SLC25A40: variants seen among roughly 807,000 people sequenced by gnomAD.
SLC25A40 encodes the protein solute carrier family 25 member 40, also known as mitochondrial glutathione transporter SLC25A40.
SLC25A40 carries 41 observed loss-of-function variants against 46.5 expected under a neutral mutation model. The ratio of observed to expected loss-of-function variants is 0.88; its 90% CI spans 0.69 to 1.14. The LOEUF (loss-of-function observed/expected upper bound fraction) is 1.14, where lower values mean the gene tolerates loss of function less well. SLC25A40 is among the 50% of genes most tolerant of loss of function. SLC25A40 has a pLI of 0.00. For synonymous variants in SLC25A40, 126 were observed against 127.5 expected, an observed-to-expected ratio of 0.99 and a Z score of 0.08; for missense variants, 386 against 393.6, an observed-to-expected ratio of 0.98 and a Z score of 0.16.
chr7:87,843,218 C>T (rs1250571365), intron 9 of SLC25A40, among the ~76,000 whole-genome samples: 1 of 152,044 alleles, frequency 6.6e-6, no homozygotes, highest in Non-Finnish European at 1.5e-5. Flanking sequence ...AAGTCTACTA[C>T]AGGACTTTGA....
intron 4 of SLC25A40, 50 bp downstream of exon 4, chr7:87,856,242 G>T: frequency 7.0e-7 from 1 of 1,419,978 alleles, no homozygotes; most frequent in Non-Finnish European, 9.7e-7. Flanking sequence ...AAAACCACAG[G>T]AACATTTAAA....
chr7:87,874,923 C>A (rs958657887), intron 1 of SLC25A40, among the ~76,000 whole-genome samples: 4 of 152,338 alleles, frequency 2.6e-5, no homozygotes, highest in South Asian at 2.1e-4. Context: ...TTGGCAATTT[C>A]ATTTCCTCCC....
At position 87,833,730 on chromosome 7, in the gene SLC25A40, T is replaced by C. The variant is rs1163781881; in HGVS notation, c.*2519A>G. The C allele has an allele frequency of 6.6e-6, 1 of 151,870 alleles. No individual in the cohort carries two copies. 9.4% of individuals were successfully genotyped at this position (151,870 alleles called of 1,614,324 possible). On this transcript the variant is annotated 3_prime_UTR_variant, in exon 12 of 12. Transcript: ENST00000341119. ...CAGGTTTGTTACACAGGTAAACTTT[T>C]GTGTCATGGGGATTTATTATACAGA...
In SLC25A40 at chr7:87,835,509, G is replaced by A. The variant is rs944351676; in HGVS notation, c.*740C>T. The A allele has an allele frequency of 2.0e-5, 3 of 151,506 alleles. No homozygotes were observed. The highest frequency in any genetic ancestry group is 3.9e-4 in the East Asian group (2 of 5,184). 9.4% of individuals were successfully genotyped at this position (151,506 alleles called of 1,614,324 possible). A position where few individuals can be genotyped will look rare whatever the true frequency, so the allele number is the denominator to read the frequency against. On this transcript the variant is annotated 3_prime_UTR_variant, in exon 12 of 12. Coordinates refer to ENST00000341119, the MANE Select transcript of SLC25A40 (RefSeq NM_018843.4). ...ATATGGTTTACCACTGAACACCCAA[G>A]TTTGACTGAAGTGAACATTTGCTAC... is the stretch of plus-strand genomic sequence containing the variant.
rs1372055150 is a variant in SLC25A40 at position 87,849,904 on chromosome 7, T to A, written c.309A>T (p.Leu103=). Residue 103 remains leucine (L), a synonymous_variant, in exon 6 of 12, where the codon CTA becomes CTT. Transcript: ENST00000341119. ...ACAGGGTAGGAGGAAGGCCACTCCA[T>A]AGAGATTTAATGCCCTCATTTCGAA... ...KIIRNEGIKS[L]WSGLPPTLVM... 6.2e-7 allele frequency: 1 copy of A among 1,600,210 alleles called. No individual in the cohort carries two copies. The highest frequency in any genetic ancestry group is 8.5e-7 in the Non-Finnish European group (1 of 1,174,342).
At chr7:87,875,264 G>A (rs1838974530) in intron 1 of SLC25A40, among the ~76,000 whole-genome samples, 1 of 152,176 alleles carries the variant, frequency 6.6e-6, no homozygotes, top group African/African-American at 2.4e-5. Context: ...TGTCTAATAA[G>A]CATAGTTCCA....
intron 1 of SLC25A40, among the ~76,000 whole-genome samples, chr7:87,874,553 C>T (rs913073574): frequency 5.9e-5 from 9 of 152,112 alleles, no homozygotes; most frequent in African/African-American, 2.2e-4. Flanking sequence ...ACCTGAAACG[C>T]CAAAATCAAA....
intron 10 of SLC25A40, among the ~76,000 whole-genome samples, chr7:87,839,075 C>G (rs963756077): frequency 1.3e-5 from 2 of 151,394 alleles, no homozygotes; most frequent in African/African-American, 4.8e-5. Context: ...AGAATGGACT[C>G]CTTGCTACTG....
chr7:87,847,315 T>C (rs549320009), intron 7 of SLC25A40, among the ~76,000 whole-genome samples, 193 bp from the exon 8 acceptor site: 2 of 152,340 alleles, frequency 1.3e-5, no homozygotes, highest in South Asian at 4.1e-4. Flanking sequence ...AAAGTATTTC[T>C]TAAAAATCTA....
intron 5 of SLC25A40, among the ~76,000 whole-genome samples, chr7:87,851,386 C>A (rs1214602853): frequency 1.3e-5 from 2 of 152,164 alleles, no homozygotes; most frequent in Non-Finnish European, 2.9e-5. Context: ...TAGACAATAA[C>A]CACTCTGCTC....
intron 4 of SLC25A40, among the ~76,000 whole-genome samples, chr7:87,855,366 A>T (rs778381202): frequency 3.3e-5 from 5 of 152,206 alleles, no homozygotes; most frequent in African/African-American, 1.2e-4. Context: ...CTCAATGTAC[A>T]TAATGCTATG....
chr7:87,838,005 T>A (rs1054912284), intron 10 of SLC25A40, among the ~76,000 whole-genome samples: 4 of 151,510 alleles, frequency 2.6e-5, no homozygotes, highest in Non-Finnish European at 5.9e-5. Flanking sequence ...TTTTGCCACT[T>A]AATGGAGTGT....
At chr7:87,848,776 A>G (rs1006501917) in intron 6 of SLC25A40, among the ~76,000 whole-genome samples, 4 of 152,238 alleles carry the variant, frequency 2.6e-5, no homozygotes, top group African/African-American at 9.6e-5. Flanking sequence ...AAACTAGTCC[A>G]TGTTTATGAT....
intron 1 of SLC25A40, among the ~76,000 whole-genome samples, chr7:87,861,868 T>C (rs1838704733): frequency 6.6e-6 from 1 of 152,306 alleles, no homozygotes; most frequent in Admixed American, 6.5e-5. Flanking sequence ...GAAATTTAGA[T>C]ATAACTTTTT....
In SLC25A40 at chr7:87,834,024, CATTA is replaced by C. The variant is rs1838227430; in HGVS notation, c.*2221_*2224del. On this transcript the variant is annotated 3_prime_UTR_variant, in exon 12 of 12. Coordinates refer to ENST00000341119, the MANE Select transcript of SLC25A40 (RefSeq NM_018843.4). ...AAAGATGTTCCTTCCTAAAATTTTA[CATTA>C]ATCAATTAAATGTTTATGTTAGAAA... The C allele has an allele frequency of 6.6e-6, 1 of 151,842 alleles. No individual in the cohort carries two copies. Among genetic ancestry groups the C allele is most frequent in the South Asian group, 2.1e-4 (1 of 4,824 alleles). 9.4% of individuals were successfully genotyped at this position (151,842 alleles called of 1,614,324 possible). A position where few individuals can be genotyped will look rare whatever the true frequency, so the allele number is the denominator to read the frequency against.
In SLC25A40 at chr7:87,836,365, A is replaced by G; in HGVS notation, c.905-4T>C. On this transcript the variant is annotated splice_polypyrimidine_tract_variant and splice_region_variant and intron_variant, in intron 11 of 11. Coordinates refer to ENST00000341119, the MANE Select transcript of SLC25A40 (RefSeq NM_018843.4). ...TTAATTAAGCGAGGAATTAGGCCTG[A>G]GAAAAGAATAGGAATAATCAAAACA... 1.4e-6 allele frequency: 2 copies of G among 1,481,458 alleles called. No homozygotes were observed. The highest frequency in any genetic ancestry group is 1.8e-6 in the Non-Finnish European group (2 of 1,106,436). 91.8% of individuals were successfully genotyped at this position (1,481,458 alleles called of 1,614,324 possible).
intron 3 of SLC25A40, among the ~76,000 whole-genome samples, chr7:87,857,104 C>T (rs1257475867): frequency 6.6e-6 from 1 of 152,158 alleles, no homozygotes; most frequent in East Asian, 1.9e-4. Context: ...CTAACTGTGT[C>T]ATTTGGCTAC....
intron 1 of SLC25A40, among the ~76,000 whole-genome samples, chr7:87,872,651 A>AATAAAGCAAG (rs1838912040): frequency 6.6e-6 from 1 of 152,228 alleles, no homozygotes; most frequent in Non-Finnish European, 1.5e-5. Context: ...TAGCCAGTAC[A>AATAAAGCAAG]ATAAAGCAAG....
Position 87,854,288 on chromosome 7 carries a change from A to G in SLC25A40, c.180T>C (p.Asn60=). The change falls in exon 5 of 12, where the codon AAT becomes AAC. Residue 60 remains asparagine, a synonymous_variant. Transcript: ENST00000341119. The stretch of plus-strand genomic sequence containing the variant: ...AGACACATAGATGATCCATGAGTCC[A>G]TTACTATATACAAAACATTTTCCTA... ...LPKGKCFVYS[N]GLMDHLCVCE... is the part of the protein sequence containing the mutation. The G allele has an allele frequency of 6.2e-7, 1 of 1,611,122 alleles. No homozygotes were observed. The highest frequency in any genetic ancestry group is 8.5e-7 in the Non-Finnish European group (1 of 1,177,774).
Sources: gnomAD v4.1 joint callset for allele counts (sites outside exome capture counted in the v4.1 genomes callset) on GRCh38, gnomAD v4.1.1 for gene constraint, MANE v1.5 for transcripts, NCBI Gene and HGNC (gene_info 2026-07-23, HGNC 2026-07-21) for gene names.